The following DCUN1D2 variants were observed in gnomAD, a reference collection of about 807,000 sequenced individuals.
The protein encoded by DCUN1D2 is defective in cullin neddylation 1 domain containing 2.
A neutral mutation model predicts 30.9 loss-of-function variants in DCUN1D2; 29 were observed. The ratio of observed to expected loss-of-function variants is 0.94; its 90% confidence interval spans 0.70 to 1.28. DCUN1D2 has a LOEUF of 1.28. DCUN1D2 is among the 50% of genes most tolerant of loss of function. The pLI, the probability that DCUN1D2 is intolerant of heterozygous loss-of-function variation, is 0.00. For missense variants in DCUN1D2, 325 were observed against 316.9 expected (o/e 1.03, Z -0.19); for synonymous variants, 121 against 115.3 (o/e 1.05, Z -0.32).
chr13:113,472,445 C>T (rs559328782), intron 4 of DCUN1D2, among the ~76,000 whole-genome samples: 11 of 152,276 alleles, frequency 7.2e-5, no homozygotes, highest in East Asian at 5.8e-4. Flanking sequence ...GGTGACTGGA[C>T]GAGCCCAGGG....
chr13:113,485,435 C>T (rs1314933785), intron 1 of DCUN1D2, among the ~76,000 whole-genome samples: 1 of 152,296 alleles, frequency 6.6e-6, no homozygotes, highest in South Asian at 2.1e-4. Context: ...CTCCAAGCTT[C>T]CCCAGTGCCA....
chr13:113,489,299 G>GC (rs1418585099), intron 1 of DCUN1D2: 1 of 246,196 alleles, frequency 4.1e-6, no homozygotes, highest in Non-Finnish European at 6.5e-6. Context: ...TGTCCACTCT[G>GC]CCCCTGTCCT....
At chr13:113,487,278 C>T (rs2044821450) in intron 1 of DCUN1D2, among the ~76,000 whole-genome samples, 1 of 152,266 alleles carries the variant, frequency 6.6e-6, no homozygotes, top group South Asian at 2.1e-4. Context: ...CCAGGAACAG[C>T]CATGACGCCC....
intron 2 of DCUN1D2, among the ~76,000 whole-genome samples, chr13:113,481,340 A>G (rs1031274304): frequency 1.3e-5 from 2 of 152,228 alleles, no homozygotes; most frequent in African/African-American, 2.4e-5. Context: ...GCATTTGTTT[A>G]TCAGAAAATC....
Position 113,457,160 on chromosome 13 carries a change from G to A in DCUN1D2, c.*869C>T, listed in dbSNP as rs576626194. The A allele has an allele frequency of 6.6e-6, 1 of 152,108 alleles. No individual in the cohort carries two copies. The highest frequency in any genetic ancestry group is 2.4e-5 in the African/African-American group (1 of 41,488). 9.4% of individuals were successfully genotyped at this position (152,108 alleles called of 1,614,324 possible). The stretch of plus-strand genomic sequence containing the variant: ...CTCCCAAAATGCTGGGATTACAGGT[G>A]TGAGCCACCACGCCCGGCCTTGATT... On this transcript the variant is annotated 3_prime_UTR_variant, in exon 7 of 7. Coordinates refer to ENST00000478244, the MANE Select transcript of DCUN1D2 (RefSeq NM_001014283.2).
At position 113,485,525 on chromosome 13, in the gene DCUN1D2, G is replaced by C. The variant is rs77722399; in HGVS notation, c.4-1469C>G. ...TTACCAGCAGCTCAGAAGTGGTACA[G>C]ATACAGACCCTTCTGGCCTAAAACC... On this transcript the variant is annotated intron_variant, in intron 1 of 6. Coordinates refer to ENST00000478244, the MANE Select transcript of DCUN1D2 (RefSeq NM_001014283.2). 1.6e-3 allele frequency among the ~76,000 whole-genome samples: 250 copies of C among 152,034 alleles called. 1 individual carries two copies. Among genetic ancestry groups the C allele is most frequent in the African/African-American group, 5.7e-3 (235 of 41,362 alleles).
intron 4 of DCUN1D2, among the ~76,000 whole-genome samples, chr13:113,473,825 G>C (rs565448815): frequency 7.2e-5 from 11 of 152,192 alleles, no homozygotes; most frequent in Non-Finnish European, 1.5e-4. Context: ...GCAAGACCTT[G>C]TCTTTACTAA....
chr13:113,460,965 G>C (rs1040992009), intron 5 of DCUN1D2, 89 bp downstream of exon 5: 11 of 783,826 alleles, frequency 1.4e-5, no homozygotes, highest in Non-Finnish European at 1.9e-5. Context: ...CTCCACGTGT[G>C]AGACCTGAGG....
In DCUN1D2 at chr13:113,457,805, T is replaced by C. The variant is rs866039890; in HGVS notation, c.*224A>G. 10 of 530,082 alleles carry C rather than the reference T, an allele frequency of 1.9e-5. No homozygotes were observed. Among genetic ancestry groups the C allele is most frequent in the Admixed American group, 6.1e-5 (2 of 32,834 alleles). 32.8% of individuals were successfully genotyped at this position (530,082 alleles called of 1,614,324 possible). A position where few individuals can be genotyped will look rare whatever the true frequency, so the allele number is the denominator to read the frequency against. ...AAATTTCCTAACGCAAAAGCTATGA[T>C]GACAAATCTCCAAACATCCCAAAGC... On this transcript the variant is annotated 3_prime_UTR_variant, in exon 7 of 7. Coordinates refer to ENST00000478244, the MANE Select transcript of DCUN1D2 (RefSeq NM_001014283.2).
intron 4 of DCUN1D2, among the ~76,000 whole-genome samples, chr13:113,473,598 C>A (rs543337787): frequency 2.0e-5 from 3 of 152,178 alleles, no homozygotes; most frequent in African/African-American, 7.2e-5. Flanking sequence ...ATATGTAAAC[C>A]CAGAAGTTGA....
chr13:113,460,194 C>T (rs2044296194), intron 5 of DCUN1D2, among the ~76,000 whole-genome samples: 1 of 152,340 alleles, frequency 6.6e-6, no homozygotes. Flanking sequence ...AGTGACGTCA[C>T]CTTCCACAGA....
intron 4 of DCUN1D2, among the ~76,000 whole-genome samples, chr13:113,463,801 T>C (rs2044358448): frequency 6.6e-6 from 1 of 151,538 alleles, no homozygotes. Flanking sequence ...CACACAGACA[T>C]ATATAAACAG....
chr13:113,473,674 A>G (rs146777808), intron 4 of DCUN1D2, among the ~76,000 whole-genome samples: 7 of 152,360 alleles, frequency 4.6e-5, no homozygotes, highest in African/African-American at 1.7e-4. Context: ...CATACAGAGC[A>G]AAGTGTGGAG....
intron 4 of DCUN1D2, among the ~76,000 whole-genome samples, chr13:113,463,918 A>G (rs1226375317): frequency 6.6e-6 from 1 of 152,212 alleles, no homozygotes; most frequent in Admixed American, 6.5e-5. Context: ...ACAGTTGGAC[A>G]CTTGTCTTGA....
At chr13:113,480,430 T>C in intron 3 of DCUN1D2, 145 bp downstream of exon 3, 1 of 635,052 alleles carries the variant, frequency 1.6e-6, no homozygotes, top group South Asian at 3.4e-5. Flanking sequence ...GGCTTGATAG[T>C]GCGGAGAGTA....
intron 2 of DCUN1D2, 56 bp from the exon 3 acceptor site, chr13:113,480,799 A>T: frequency 1.3e-6 from 2 of 1,587,792 alleles, no homozygotes; most frequent in Non-Finnish European, 1.7e-6. Context: ...GTAATTCTAA[A>T]ATAGGAGGTT....
chr13:113,483,938 G>A lies in DCUN1D2; in HGVS notation c.122C>T (p.Thr41Met). ...GTCTGGGTTTTGGAAGAAGCTGTCC[G>A]TGGCCTCGTCTAGTCTCCACTCATT... ...TQNEWRLDEATDSFFQNPDSL... is the reference protein window; with the variant it reads ...TQNEWRLDEAMDSFFQNPDSL... Residue 41 changes from threonine (T) to methionine (M), a missense_variant, in exon 2 of 7, where the codon ACG (threonine) becomes ATG (methionine). Coordinates refer to ENST00000478244, the MANE Select transcript of DCUN1D2 (RefSeq NM_001014283.2). 6.2e-7 allele frequency: 1 copy of A among 1,614,144 alleles called. No individual in the cohort carries two copies. Among genetic ancestry groups the A allele is most frequent in the Non-Finnish European group, 8.5e-7 (1 of 1,180,056 alleles).
At chr13:113,477,749 C>G (rs1369353600) in intron 3 of DCUN1D2, among the ~76,000 whole-genome samples, 1 of 151,312 alleles carries the variant, frequency 6.6e-6, no homozygotes, top group African/African-American at 2.4e-5. Context: ...TTGATCAAAC[C>G]CATCTTATGC....
At chr13:113,480,775 T>A (rs529520008) in intron 2 of DCUN1D2, 32 bp from the exon 3 acceptor site, 1 of 1,610,240 alleles carries the variant, frequency 6.2e-7, no homozygotes, top group Non-Finnish European at 8.5e-7. Flanking sequence ...AAGGAAGTTA[T>A]ACTATTTTGA....
Sources: gnomAD v4.1 joint callset for allele counts (sites outside exome capture counted in the v4.1 genomes callset) on GRCh38, gnomAD v4.1.1 for gene constraint, MANE v1.5 for transcripts, NCBI Gene and HGNC (gene_info 2026-07-23, HGNC 2026-07-21) for gene names.